The following GABPB2 variants were observed in gnomAD, a reference collection of about 807,000 sequenced individuals.
GABPB2 encodes the protein GA-binding protein subunit beta-2.
Under a neutral mutation model 39.1 loss-of-function variants are expected in GABPB2, and 23 were observed. The observed-to-expected ratio is 0.59, with a 90% confidence interval of 0.42 to 0.83. GABPB2 has a LOEUF of 0.83. Ranked by LOEUF, GABPB2 falls within the 40% of genes least tolerant of loss-of-function variation. GABPB2 has a pLI of 0.00. For missense variants in GABPB2, 467 were observed against 541.1 expected (o/e 0.86, Z 1.36); for synonymous variants, 184 against 199.3 (o/e 0.92, Z 0.65).
intron 7 of GABPB2, among the ~76,000 whole-genome samples, chr1:151,110,005 A>ATTTTTTTTTTTTT (rs71577269): frequency 9.9e-5 from 6 of 60,762 alleles, no homozygotes; most frequent in Non-Finnish European, 1.7e-4. Context: ...TGCCCAGCTA[A>ATTTTTTTTTTTTT]TTTTTTTTTT....
rs1480884138 is a variant in GABPB2 at position 151,123,471 on chromosome 1, GAAGGA to G, written c.*5219_*5223del. Reference sequence around the variant, plus strand: ...CTCTGTCTCAAAAAAAAAAAAAAAAGAAGGAAAGAAAGAAAAAACAGACAAATGGA... The same window carrying G: ...CTCTGTCTCAAAAAAAAAAAAAAAAGAAGAAAGAAAAAACAGACAAATGGA... On this transcript the variant is annotated 3_prime_UTR_variant, in exon 9 of 9. Transcript: ENST00000368918. 1.4e-5 allele frequency: 2 copies of G among 147,830 alleles called. No homozygotes were observed. Among genetic ancestry groups the G allele is most frequent in the Non-Finnish European group, 3.0e-5 (2 of 67,020 alleles). The allele number at this position is 147,830 out of a possible 1,614,324, so 9.2% of individuals were successfully genotyped here.
chr1:151,073,834 C>G (rs917180311), intron 1 of GABPB2, among the ~76,000 whole-genome samples: 2 of 151,858 alleles, frequency 1.3e-5, no homozygotes, highest in African/African-American at 2.4e-5. Flanking sequence ...GCAGGAGAAT[C>G]ACTTGTACCC....
intron 1 of GABPB2, among the ~76,000 whole-genome samples, chr1:151,077,703 A>C (rs1677297284): frequency 6.6e-6 from 1 of 151,874 alleles, no homozygotes; most frequent in Admixed American, 6.6e-5. Context: ...CTGTAATCCC[A>C]GCACTTTGGG....
intron 1 of GABPB2, among the ~76,000 whole-genome samples, chr1:151,086,899 G>A (rs1345884148): frequency 3.3e-5 from 5 of 152,212 alleles, no homozygotes; most frequent in African/African-American, 1.2e-4. Context: ...CTGTCGCCCA[G>A]ACTGGAGTGC....
At chr1:151,071,792 G>A (rs941672372) in intron 1 of GABPB2, among the ~76,000 whole-genome samples, 1 of 152,198 alleles carries the variant, frequency 6.6e-6, no homozygotes. Context: ...TTCTTTCACA[G>A]TTGTTTGTAC....
intron 7 of GABPB2, among the ~76,000 whole-genome samples, chr1:151,114,706 A>G (rs1680723467): frequency 6.6e-6 from 1 of 151,564 alleles, no homozygotes; most frequent in Non-Finnish European, 1.5e-5. Context: ...AAAAGAAAAG[A>G]AAAGAAAACA....
intron 4 of GABPB2, 102 bp downstream of exon 4, chr1:151,093,488 A>T: frequency 1.2e-6 from 1 of 814,186 alleles, no homozygotes; most frequent in Non-Finnish European, 1.9e-6. Flanking sequence ...TTATTAAAGT[A>T]GCACTTCTAA....
chr1:151,107,992 C>G (rs377284401), intron 7 of GABPB2, among the ~76,000 whole-genome samples: 5 of 151,796 alleles, frequency 3.3e-5, no homozygotes, highest in Admixed American at 6.6e-5. Context: ...TCATTCATAA[C>G]GAGAAGTGCA....
At chr1:151,074,358 T>C (rs1209735322) in intron 1 of GABPB2, among the ~76,000 whole-genome samples, 2 of 149,678 alleles carry the variant, frequency 1.3e-5, no homozygotes, top group Admixed American at 1.3e-4. Flanking sequence ...TCGCCCAGGC[T>C]GGAGTGCAGT....
At position 151,121,901 on chromosome 1, in the gene GABPB2, A is replaced by G. The variant is rs1681196709; in HGVS notation, c.*3645A>G. The G allele has an allele frequency of 1.3e-5, 2 of 152,180 alleles. No individual in the cohort carries two copies. Among genetic ancestry groups the G allele is most frequent in the Admixed American group, 6.5e-5 (1 of 15,270 alleles). 9.4% of individuals were successfully genotyped at this position (152,180 alleles called of 1,614,324 possible). ...ACTTGCTTGCTTTGTTATAAATTAG[A>G]AGAAACCAGAGGGAGATGTGCCAAG... On this transcript the variant is annotated 3_prime_UTR_variant, in exon 9 of 9. Transcript: ENST00000368918.
At chr1:151,104,882 CTCTCTCTT>C (rs1289113871) in intron 6 of GABPB2, among the ~76,000 whole-genome samples, 48 of 149,836 alleles carry the variant, frequency 3.2e-4, no homozygotes, top group Middle Eastern at 3.4e-3. Flanking sequence ...CCCTCTCTCT[CTCTCTCTT>C]TCTCTCTTTC....
rs1166333888 is a variant in GABPB2 at position 151,121,095 on chromosome 1, A to T, written c.*2839A>T. 1 of 152,092 alleles carries T rather than the reference A, an allele frequency of 6.6e-6. No homozygotes were observed. The highest frequency in any genetic ancestry group is 6.6e-5 in the Admixed American group (1 of 15,254). The allele number at this position is 152,092 out of a possible 1,614,324, so 9.4% of individuals were successfully genotyped here. The stretch of plus-strand genomic sequence containing the variant: ...TTATAAAACTTTGTTGAATTTTCTA[A>T]GTGTCATTTAGGACATATTGTGCTT... On this transcript the variant is annotated 3_prime_UTR_variant, in exon 9 of 9. Transcript: ENST00000368918.
chr1:151,117,854 G>A, intron 8 of GABPB2, 103 bp from the exon 9 acceptor site: 2 of 1,144,270 alleles, frequency 1.7e-6, no homozygotes, highest in Admixed American at 2.2e-5. Flanking sequence ...AAAGTGCTTG[G>A]ATTATAGGTG....
chr1:151,118,323 G>T lies in GABPB2; in HGVS notation c.*67G>T. On this transcript the variant is annotated 3_prime_UTR_variant, in exon 9 of 9. Coordinates refer to ENST00000368918, the MANE Select transcript of GABPB2 (RefSeq NM_144618.3). Reference sequence around the variant, plus strand: ...CTTTTAAAAAAGGAAATATACAGAAGACAAACATTGTATAAAAACTAAGAG... The same window carrying T: ...CTTTTAAAAAAGGAAATATACAGAATACAAACATTGTATAAAAACTAAGAG... 2.2e-6 allele frequency: 3 copies of T among 1,393,660 alleles called. No homozygotes were observed. The highest frequency in any genetic ancestry group is 2.9e-6 in the Non-Finnish European group (3 of 1,019,552). The allele number at this position is 1,393,660 out of a possible 1,614,324, so 86.3% of individuals were successfully genotyped here. A position where few individuals can be genotyped will look rare whatever the true frequency, so the allele number is the denominator to read the frequency against.
intron 4 of GABPB2, 77 bp from the exon 5 acceptor site, chr1:151,097,775 T>G: frequency 7.8e-7 from 1 of 1,287,910 alleles, no homozygotes; most frequent in Non-Finnish European, 1.1e-6. Context: ...TGAGACTGTC[T>G]CAAAAAAAAA....
intron 1 of GABPB2, among the ~76,000 whole-genome samples, chr1:151,085,495 C>T (rs1007405065): frequency 2.0e-5 from 3 of 152,076 alleles, no homozygotes; most frequent in Non-Finnish European, 4.4e-5. Context: ...GGCTGGAGTG[C>T]GGTGGCACAA....
At chr1:151,083,673 A>G (rs1677914914) in intron 1 of GABPB2, among the ~76,000 whole-genome samples, 1 of 150,812 alleles carries the variant, frequency 6.6e-6, no homozygotes. Context: ...ATATATATGT[A>G]TATATACTGT....
At position 151,118,464 on chromosome 1, in the gene GABPB2, A is replaced by G; in HGVS notation, c.*208A>G. 1 of 488,414 alleles carries G rather than the reference A, an allele frequency of 2.0e-6. No homozygotes were observed. Among genetic ancestry groups the G allele is most frequent in the Non-Finnish European group, 3.6e-6 (1 of 275,484 alleles). The allele number at this position is 488,414 out of a possible 1,614,324, so 30.3% of individuals were successfully genotyped here. Reference sequence around the variant, plus strand: ...AACATTTTTTCTGAGGGGCCAAAAGAATAAAGGACCAAATTTCTTAGCTCA... The same window carrying G: ...AACATTTTTTCTGAGGGGCCAAAAGGATAAAGGACCAAATTTCTTAGCTCA... On this transcript the variant is annotated 3_prime_UTR_variant, in exon 9 of 9. Transcript: ENST00000368918.
chr1:151,103,477 T>C (rs1679700333), intron 5 of GABPB2, 85 bp from the exon 6 acceptor site: 7 of 824,788 alleles, frequency 8.5e-6, no homozygotes, highest in Non-Finnish European at 1.2e-5. Context: ...AAGGAAAAGC[T>C]GAGGTTTTGA....
Sources: gnomAD v4.1 joint callset for allele counts (sites outside exome capture counted in the v4.1 genomes callset) on GRCh38, gnomAD v4.1.1 for gene constraint, MANE v1.5 for transcripts, NCBI Gene and HGNC (gene_info 2026-07-23, HGNC 2026-07-21) for gene names.